The following TMEM132D variants were observed in gnomAD, a reference collection of about 807,000 sequenced individuals.
TMEM132D encodes mature OL transmembrane protein.
TMEM132D carries 21 observed loss-of-function variants against 62.3 expected under a neutral mutation model. The observed-to-expected ratio is 0.34, with a 90% CI of 0.24 to 0.49. The LOEUF (loss-of-function observed/expected upper bound fraction) is 0.49, where lower values mean the gene tolerates loss of function less well. Ranked by LOEUF, TMEM132D falls within the 20% of genes least tolerant of loss-of-function variation. The pLI is 0.99. For synonymous variants in TMEM132D, 621 were observed against 575.6 expected, an observed-to-expected ratio of 1.08 and a Z score of -1.13; for missense variants, 1,346 against 1,402.8, an observed-to-expected ratio of 0.96 and a Z score of 0.65.
chr12:129,742,855 G>A (rs2099670483), intron 1 of TMEM132D, among the ~76,000 whole-genome samples: 1 of 152,190 alleles, frequency 6.6e-6, no homozygotes, highest in Non-Finnish European at 1.5e-5. Context: ...TTGAAGCACT[G>A]GAATGCAAGA....
intron 1 of TMEM132D, among the ~76,000 whole-genome samples, chr12:129,878,360 G>A (rs777615648): frequency 4.6e-5 from 7 of 152,138 alleles, no homozygotes; most frequent in African/African-American, 7.2e-5. Context: ...TATGGTGATC[G>A]GGAGGTGGAC....
chr12:129,086,757 A>G (rs1277048329), intron 5 of TMEM132D, among the ~76,000 whole-genome samples: 1 of 149,738 alleles, frequency 6.7e-6, no homozygotes, highest in Non-Finnish European at 1.5e-5. Flanking sequence ...TACATTGTAT[A>G]TAAATTTGAA....
chr12:129,781,724 GT>G (rs1242048519), intron 1 of TMEM132D, among the ~76,000 whole-genome samples: 1 of 152,188 alleles, frequency 6.6e-6, no homozygotes, highest in Admixed American at 6.5e-5. Flanking sequence ...TAGTACATGA[GT>G]TGCTTCTCAC....
intron 1 of TMEM132D, among the ~76,000 whole-genome samples, chr12:129,790,025 TA>T (rs1871356987): frequency 6.6e-6 from 1 of 152,202 alleles, no homozygotes; most frequent in African/African-American, 2.4e-5. Context: ...GCGCAGGTGC[TA>T]GAACTAGCGG....
At chr12:129,572,526 G>A (rs1378340147) in intron 2 of TMEM132D, among the ~76,000 whole-genome samples, 9 of 152,160 alleles carry the variant, frequency 5.9e-5, no homozygotes, top group South Asian at 2.1e-4. Context: ...TTGGCTCACT[G>A]CAACCTCCGC....
chr12:129,165,549 A>C (rs1877518719), intron 5 of TMEM132D, among the ~76,000 whole-genome samples: 1 of 152,210 alleles, frequency 6.6e-6, no homozygotes. Context: ...GCAAAATAAA[A>C]CAAAACTTGA....
At chr12:129,108,604 A>G (rs1473055072) in intron 5 of TMEM132D, among the ~76,000 whole-genome samples, 8 of 152,176 alleles carry the variant, frequency 5.3e-5, no homozygotes, top group Admixed American at 2.0e-4. Flanking sequence ...CACTTGGTTC[A>G]TTCAGACTCT....
chr12:129,292,267 C>A (rs1471047236), intron 4 of TMEM132D, among the ~76,000 whole-genome samples: 1 of 152,180 alleles, frequency 6.6e-6, no homozygotes, highest in African/African-American at 2.4e-5. Context: ...ATAATATTTT[C>A]TCTGCTCTTT....
intron 2 of TMEM132D, among the ~76,000 whole-genome samples, chr12:129,697,266 C>G (rs1346062980): frequency 6.6e-6 from 1 of 152,140 alleles, no homozygotes; most frequent in Non-Finnish European, 1.5e-5. Flanking sequence ...AGCAGATGGC[C>G]AGAGAGAACA....
intron 4 of TMEM132D, among the ~76,000 whole-genome samples, chr12:129,326,727 TAACA>T (rs1240829154): frequency 1.3e-5 from 2 of 152,218 alleles, no homozygotes; most frequent in African/African-American, 4.8e-5. Flanking sequence ...TCCTTTTATA[TAACA>T]AATATTTATG....
intron 3 of TMEM132D, among the ~76,000 whole-genome samples, chr12:129,349,396 A>G (rs976263820): frequency 2.0e-5 from 3 of 152,200 alleles, no homozygotes; most frequent in Non-Finnish European, 4.4e-5. Flanking sequence ...TTATAGGCAG[A>G]AGTAGCTTTG....
Position 129,166,942 on chromosome 12 carries a change from T to C in TMEM132D, c.1443+42578A>G, listed in dbSNP as rs189989747. Among the ~76,000 whole-genome samples, 4 of 152,014 alleles carry C rather than the reference T, an allele frequency of 2.6e-5. No homozygotes were observed. The East Asian group carries it at 7.7e-4, about 29-fold the overall frequency. On this transcript the variant is annotated intron_variant, in intron 5 of 8. Transcript: ENST00000422113. Reference sequence around the variant, plus strand: ...ACTTTGGGAGGCCGAGGAGGGCAGATCACTTGAGGTCACGAGTTCGAGACC... The same window carrying C: ...ACTTTGGGAGGCCGAGGAGGGCAGACCACTTGAGGTCACGAGTTCGAGACC...
chr12:129,119,248 C>T (rs555195250), intron 5 of TMEM132D, among the ~76,000 whole-genome samples: 1 of 152,326 alleles, frequency 6.6e-6, no homozygotes, highest in Non-Finnish European at 1.5e-5. Flanking sequence ...CGTAGATATA[C>T]TGTGTAGTGC....
chr12:129,717,339 C>G (rs1393505691), intron 1 of TMEM132D, among the ~76,000 whole-genome samples: 1 of 152,116 alleles, frequency 6.6e-6, no homozygotes, highest in Non-Finnish European at 1.5e-5. Flanking sequence ...TCATGTGTCT[C>G]TTTAAAAGTC....
intron 4 of TMEM132D, among the ~76,000 whole-genome samples, chr12:129,284,840 T>A (rs764319136): frequency 1.5e-4 from 23 of 152,338 alleles, no homozygotes; most frequent in Admixed American, 2.6e-4. Context: ...ATTGTGTGAT[T>A]CAATTTGTAG....
At chr12:129,506,731 T>C (rs1463763277) in intron 3 of TMEM132D, among the ~76,000 whole-genome samples, 2 of 152,144 alleles carry the variant, frequency 1.3e-5, no homozygotes, top group African/African-American at 4.8e-5. Context: ...AATGACTAAA[T>C]CTAAGACCTG....
chr12:129,607,773 T>G (rs1878668317), intron 2 of TMEM132D, among the ~76,000 whole-genome samples: 2 of 152,226 alleles, frequency 1.3e-5, no homozygotes, highest in South Asian at 4.1e-4. Context: ...TTCTGTGTTT[T>G]GGAGTACCTG....
At chr12:129,514,581 G>A (rs924782596) in intron 3 of TMEM132D, among the ~76,000 whole-genome samples, 6 of 152,180 alleles carry the variant, frequency 3.9e-5, no homozygotes, top group Admixed American at 3.3e-4. Flanking sequence ...ATCTGTGCAT[G>A]TGAGCTGAAT....
chr12:129,215,683 C>G (rs776305382), intron 4 of TMEM132D, among the ~76,000 whole-genome samples: 10 of 152,160 alleles, frequency 6.6e-5, no homozygotes, highest in Non-Finnish European at 1.5e-4. Flanking sequence ...TGCAGGGACT[C>G]TCTCTTGGAT....
Sources: gnomAD v4.1 joint callset for allele counts (sites outside exome capture counted in the v4.1 genomes callset) on GRCh38, gnomAD v4.1.1 for gene constraint, MANE v1.5 for transcripts, NCBI Gene and HGNC (gene_info 2026-07-23, HGNC 2026-07-21) for gene names.